SLC16A2: variants seen among roughly 807,000 people sequenced by gnomAD.
SLC16A2 encodes solute carrier family 16 member 2.
SLC16A2 carries 3 observed loss-of-function variants against 27.2 expected under a neutral mutation model. The ratio of observed to expected loss-of-function variants is 0.11; its 90% confidence interval spans 0.05 to 0.28. The LOEUF is 0.28. SLC16A2 is among the 10% of genes least tolerant of loss of function. The pLI, the probability that SLC16A2 is intolerant of heterozygous loss-of-function variation, is 1.00. For missense variants in SLC16A2, 295 were observed against 458.5 expected (o/e 0.64, Z 3.26); for synonymous variants, 202 against 187.8 (o/e 1.08, Z -0.62).
At chrX:74,427,624 T>C (rs990383620) in intron 1 of SLC16A2, among the ~76,000 whole-genome samples, 1 of 111,616 alleles carries the variant, frequency 9.0e-6, no homozygotes, top group Non-Finnish European at 1.9e-5. Context: ...CAGCCTCATT[T>C]TATGGTTTTG....
chrX:74,439,551 T>C (rs1010167731), intron 1 of SLC16A2, among the ~76,000 whole-genome samples: 16 of 99,218 alleles, frequency 1.6e-4, no homozygotes, highest in African/African-American at 6.1e-4. Flanking sequence ...TCCTCCTGCC[T>C]CAACCTCCCA....
chrX:74,427,828 C>G (rs1288473616), intron 1 of SLC16A2, among the ~76,000 whole-genome samples: 1 of 109,971 alleles, frequency 9.1e-6, no homozygotes, highest in Non-Finnish European at 1.9e-5. Context: ...CACACACACA[C>G]ACACACACAC....
intron 1 of SLC16A2, among the ~76,000 whole-genome samples, chrX:74,476,128 C>T (rs1205320733): frequency 9.0e-6 from 1 of 111,651 alleles, no homozygotes; most frequent in Non-Finnish European, 1.9e-5. Flanking sequence ...GAATGTTCTT[C>T]CATTTGTTTG....
intron 1 of SLC16A2, among the ~76,000 whole-genome samples, chrX:74,490,812 A>T (rs922456554): frequency 2.7e-5 from 3 of 112,317 alleles, no homozygotes; most frequent in Non-Finnish European, 5.6e-5. Context: ...ACTGAGATTA[A>T]TTTTGGGAGA....
At chrX:74,518,283 G>A (rs1403762364) in intron 1 of SLC16A2, among the ~76,000 whole-genome samples, 1 of 112,062 alleles carries the variant, frequency 8.9e-6, no homozygotes, top group African/African-American at 3.2e-5. Context: ...CCCAGTATTA[G>A]GTATTATCAT....
In SLC16A2 at chrX:74,532,885, A is replaced by T. The variant is rs1930592583; in HGVS notation, c.*1332A>T. ...TTGATCCCTCTGAAGTAGGTGACTG[A>T]TGCCTCCTTATGCCCAGGCTCTGGC... is the stretch of plus-strand genomic sequence containing the variant. On this transcript the variant is annotated 3_prime_UTR_variant, in exon 6 of 6. Coordinates refer to ENST00000587091, the MANE Select transcript of SLC16A2 (RefSeq NM_006517.5). The T allele has an allele frequency of 8.9e-6, 1 of 112,026 alleles. No homozygotes were observed. The highest frequency in any genetic ancestry group is 9.4e-5 in the Admixed American group (1 of 10,599). 9.2% of individuals were successfully genotyped at this position (112,026 alleles called of 1,213,427 possible). A position where few individuals can be genotyped will look rare whatever the true frequency, so the allele number is the denominator to read the frequency against.
intron 1 of SLC16A2, among the ~76,000 whole-genome samples, chrX:74,423,528 T>C (rs1402551934): frequency 1.8e-5 from 2 of 111,381 alleles, no homozygotes; most frequent in Admixed American, 9.6e-5. Context: ...TTGTGATCCA[T>C]TGGCACAGCA....
At chrX:74,517,775 C>A in intron 1 of SLC16A2, among the ~76,000 whole-genome samples, 1 of 111,457 alleles carries the variant, frequency 9.0e-6, no homozygotes, top group Non-Finnish European at 1.9e-5. Flanking sequence ...CAAAAAGTTT[C>A]TTCATGTCCC....
intron 1 of SLC16A2, among the ~76,000 whole-genome samples, chrX:74,457,160 C>T (rs1201577347): frequency 9.0e-6 from 1 of 111,520 alleles, no homozygotes; most frequent in Admixed American, 9.6e-5. Flanking sequence ...CCAACCGAAT[C>T]GTTGTCTCTG....
At chrX:74,483,367 T>A (rs986135602) in intron 1 of SLC16A2, among the ~76,000 whole-genome samples, 4 of 111,675 alleles carry the variant, frequency 3.6e-5, no homozygotes, top group African/African-American at 9.8e-5. Context: ...TCTTCTCAAG[T>A]CTTCAAGGCT....
chrX:74,480,284 T>C (rs756016151), intron 1 of SLC16A2, among the ~76,000 whole-genome samples: 3 of 112,742 alleles, frequency 2.7e-5, no homozygotes, highest in South Asian at 3.7e-4. Flanking sequence ...CTCCCAGCCA[T>C]GCACGGGATA....
At position 74,517,535 on chromosome X, in the gene SLC16A2, T is replaced by C. The variant is rs140615582; in HGVS notation, c.431-3455T>C. On this transcript the variant is annotated intron_variant, in intron 1 of 5. Coordinates refer to ENST00000587091, the MANE Select transcript of SLC16A2 (RefSeq NM_006517.5). ...TCTGGCCAGAATAAAGATACATATA[T>C]CATAAATGAGATCTTGAACTGGCAC... is the stretch of plus-strand genomic sequence containing the variant. Among the ~76,000 whole-genome samples the C allele has an allele frequency of 5.7e-3, 634 of 111,654 alleles. 7 individuals carry two copies. Among genetic ancestry groups the C allele is most frequent in the African/African-American group, 0.019 (596 of 30,747 alleles).
At chrX:74,423,013 C>T (rs1013479429) in intron 1 of SLC16A2, among the ~76,000 whole-genome samples, 1 of 113,242 alleles carries the variant, frequency 8.8e-6, no homozygotes, top group African/African-American at 3.2e-5. Flanking sequence ...GGGGGCATAG[C>T]CCTCGCTTTC....
intron 2 of SLC16A2, among the ~76,000 whole-genome samples, chrX:74,523,575 A>T (rs778078049): frequency 5.4e-5 from 6 of 111,791 alleles, no homozygotes; most frequent in Non-Finnish European, 1.1e-4. Flanking sequence ...AGCAGGGCCT[A>T]TGAGTTTTAA....
chrX:74,506,302 C>A (rs1194336299), intron 1 of SLC16A2, among the ~76,000 whole-genome samples: 2 of 111,727 alleles, frequency 1.8e-5, no homozygotes, highest in Non-Finnish European at 3.8e-5. Flanking sequence ...GAGACCTTGT[C>A]CCTACCCTGC....
rs780201147 is a variant in SLC16A2 at position 74,496,401 on chromosome X, G to A, written c.431-24589G>A. Among the ~76,000 whole-genome samples, 108 of 111,865 alleles carry A rather than the reference G, an allele frequency of 9.7e-4. 1 individual carries two copies. The highest frequency in any genetic ancestry group is 3.4e-3 in the African/African-American group (106 of 30,776). ...GCCACGAGTCTCCCAGCAGCTTCAT[G>A]TATTCAACAAATAGTGACTGAGTTA... On this transcript the variant is annotated intron_variant, in intron 1 of 5. Coordinates refer to ENST00000587091, the MANE Select transcript of SLC16A2 (RefSeq NM_006517.5).
chrX:74,428,645 C>G (rs1319608970), intron 1 of SLC16A2, among the ~76,000 whole-genome samples: 1 of 110,621 alleles, frequency 9.0e-6, no homozygotes, highest in African/African-American at 3.3e-5. Context: ...TTCCTTTCCT[C>G]TCTTACTTTC....
intron 1 of SLC16A2, among the ~76,000 whole-genome samples, chrX:74,520,104 G>C (rs1323840430): frequency 8.9e-6 from 1 of 112,326 alleles, no homozygotes; most frequent in Non-Finnish European, 1.9e-5. Flanking sequence ...CAATTGGAGA[G>C]AGCCAGAAGT....
At chrX:74,474,051 G>C (rs779493408) in intron 1 of SLC16A2, 1 of 153,732 alleles carries the variant, frequency 6.5e-6, no homozygotes. Context: ...TGCTATTCTA[G>C]TTCTCTTGCA....
Sources: allele counts gnomAD v4.1 joint callset (sites outside exome capture counted in the v4.1 genomes callset), GRCh38; gene constraint gnomAD v4.1.1; transcripts MANE v1.5; gene names NCBI Gene and HGNC (gene_info 2026-07-23, HGNC 2026-07-21).